MYO5B: variants seen among roughly 807,000 people sequenced by gnomAD.
MYO5B encodes the protein unconventional myosin-Vb.
In MYO5B, 143 loss-of-function variants were observed where a neutral mutation model predicts 229.3. The observed-to-expected ratio is 0.62, with a 90% CI of 0.54 to 0.72. The LOEUF (loss-of-function observed/expected upper bound fraction) is 0.72, where lower values mean the gene tolerates loss of function less well. Among genes scored for constraint, MYO5B ranks in the 30% least tolerant of loss-of-function variants. The pLI is 0.00. For synonymous variants in MYO5B, 918 were observed against 885.2 expected, an observed-to-expected ratio of 1.04 and a Z score of -0.66; for missense variants, 2,321 against 2,331.0, an observed-to-expected ratio of 1.00 and a Z score of 0.09.
At chr18:50,040,451 A>G in intron 2 of MYO5B, 137 bp from the exon 3 acceptor site, 1 of 973,324 alleles carries the variant, frequency 1.0e-6, no homozygotes, top group Non-Finnish European at 1.6e-6. Flanking sequence ...AAGAAAGACA[A>G]GCTGAACAAA....
chr18:49,872,672 G>A (rs1405351429), intron 26 of MYO5B, among the ~76,000 whole-genome samples: 2 of 152,212 alleles, frequency 1.3e-5, no homozygotes, highest in African/African-American at 4.8e-5. Context: ...CAGGGAAGAT[G>A]ACCATGTGAA....
chr18:50,097,502 G>A lies in MYO5B; in HGVS notation c.28-42124C>T, dbSNP rs368891079. 1.0e-3 allele frequency: 338 copies of A among 325,864 alleles called. 3 individuals are homozygous for A. The highest frequency in any genetic ancestry group is 8.0e-3 in the South Asian group (315 of 39,596). The allele number at this position is 325,864 out of a possible 1,614,324, so 20.2% of individuals were successfully genotyped here. On this transcript the variant is annotated intron_variant, in intron 1 of 39. Transcript: ENST00000285039. ...AGTTCCAAACTTCTTGAGAAATCGC[G>A]GTGTTATTTAAATCATTGTCCTAAG...
intron 14 of MYO5B, among the ~76,000 whole-genome samples, chr18:49,949,257 C>T (rs1295354105): frequency 6.6e-6 from 1 of 151,930 alleles, no homozygotes; most frequent in Non-Finnish European, 1.5e-5. Flanking sequence ...GAAAAACATT[C>T]TCCTTTTAAA....
At chr18:50,003,097 G>A (rs899105604) in intron 4 of MYO5B, among the ~76,000 whole-genome samples, 13 of 152,166 alleles carry the variant, frequency 8.5e-5, no homozygotes, top group Admixed American at 2.6e-4. Context: ...GGAGGTGGGA[G>A]CCGAAGGCAG....
chr18:50,051,815 C>T (rs1345481717), intron 2 of MYO5B, among the ~76,000 whole-genome samples: 3 of 152,180 alleles, frequency 2.0e-5, no homozygotes, highest in Non-Finnish European at 2.9e-5. Context: ...TGTGAGGTAC[C>T]TGGGATCGTC....
chr18:50,007,922 G>A (rs749076239), intron 4 of MYO5B, among the ~76,000 whole-genome samples: 8 of 152,180 alleles, frequency 5.3e-5, no homozygotes, highest in Non-Finnish European at 1.2e-4. Flanking sequence ...GTTTGGAAAG[G>A]TCAAATGATG....
intron 5 of MYO5B, among the ~76,000 whole-genome samples, chr18:49,998,034 A>T (rs527903568): frequency 6.6e-6 from 1 of 152,268 alleles, no homozygotes; most frequent in Admixed American, 6.5e-5. Context: ...GGTCCCAGAT[A>T]GAGTCGACTT....
Position 49,856,891 on chromosome 18 carries a change from C to T in MYO5B, c.3945-1G>A, listed in dbSNP as rs960709257. ...TAAATATCCCCAATCCTCAGTCTTG[C>T]TAGAAACAAAGGACAGAAAAACAGG... is the stretch of plus-strand genomic sequence containing the variant. On this transcript the variant is annotated splice_acceptor_variant, in intron 29 of 39. Transcript: ENST00000285039. LOFTEE classifies it high-confidence loss of function. 1.2e-6 allele frequency: 2 copies of T among 1,613,842 alleles called. No homozygotes were observed. Among genetic ancestry groups the T allele is most frequent in the African/African-American group, 1.3e-5 (1 of 75,054 alleles).
At chr18:49,992,012 G>A (rs1002389300) in intron 6 of MYO5B, among the ~76,000 whole-genome samples, 2 of 152,158 alleles carry the variant, frequency 1.3e-5, no homozygotes, top group African/African-American at 2.4e-5. Context: ...GTCCTTTACT[G>A]TATCTTTGGT....
rs1334620321 is a variant in MYO5B, at chr18:49,936,301, G to C, written c.1954C>G (p.Pro652Ala). 3 of 1,604,548 alleles carry C rather than the reference G, an allele frequency of 1.9e-6. No homozygotes were observed. The highest frequency in any genetic ancestry group is 2.2e-5 in the East Asian group (1 of 44,696). Reference protein sequence around the residue: ...LLMETLNATTPHYVRCIKPND... With the variant: ...LLMETLNATTAHYVRCIKPND... ...GGCTTGATGCAGCGGACATAGTGAG[G>C]TGTCGTGGCATTCAGGGTCTCCATG... The change falls in exon 16 of 40, where the codon CCT (proline) becomes GCT (alanine). Residue 652 changes from proline (P) to alanine (A), a missense_variant. By Grantham distance (27) the Pro-to-Ala change is conservative (BLOSUM62 -1). Transcript: ENST00000285039.
At position 49,824,764 on chromosome 18, in the gene MYO5B, T is replaced by C. The variant is rs609796; in HGVS notation, c.*1707A>G. 3.8e-3 allele frequency: 583 copies of C among 152,336 alleles called. 4 individuals are homozygous for C. The highest frequency in any genetic ancestry group is 0.014 in the African/African-American group (568 of 41,570). The allele number at this position is 152,336 out of a possible 1,614,324, so 9.4% of individuals were successfully genotyped here. A position where few individuals can be genotyped will look rare whatever the true frequency, so the allele number is the denominator to read the frequency against. ...TAAGTGTCATGGACGTCAGTGATTA[T>C]GTAACTGTAACTGAAAGAAAAAGGC... On this transcript the variant is annotated 3_prime_UTR_variant, in exon 40 of 40. Coordinates refer to ENST00000285039, the MANE Select transcript of MYO5B (RefSeq NM_001080467.3).
chr18:49,869,245 T>C (rs1296705352), intron 27 of MYO5B, among the ~76,000 whole-genome samples: 4 of 152,216 alleles, frequency 2.6e-5, no homozygotes, highest in Admixed American at 2.6e-4. Context: ...GACCGTGTTC[T>C]GCCTAAAAGC....
chr18:49,900,303 C>A (rs1257237686), intron 21 of MYO5B, among the ~76,000 whole-genome samples: 1 of 152,238 alleles, frequency 6.6e-6, no homozygotes, highest in Non-Finnish European at 1.5e-5. Flanking sequence ...GCACTCTTTT[C>A]CCTCTGAGTG....
At chr18:49,861,848 A>G (rs1038131723) in intron 29 of MYO5B, among the ~76,000 whole-genome samples, 1 of 152,242 alleles carries the variant, frequency 6.6e-6, no homozygotes, top group African/African-American at 2.4e-5. Flanking sequence ...CATTCTTGCA[A>G]AAAAACTTAA....
At chr18:49,950,629 G>A (rs1045998204) in intron 14 of MYO5B, among the ~76,000 whole-genome samples, 6 of 152,092 alleles carry the variant, frequency 3.9e-5, no homozygotes, top group South Asian at 2.1e-4. Flanking sequence ...TGTCTATAAT[G>A]TACTTATTTT....
chr18:50,103,620 G>A (rs2031696737), intron 1 of MYO5B, among the ~76,000 whole-genome samples: 1 of 152,104 alleles, frequency 6.6e-6, no homozygotes, highest in African/African-American at 2.4e-5. Context: ...ACGGTGGTGT[G>A]CACCTGTGGC....
At chr18:49,899,968 A>T (rs2024822573) in intron 21 of MYO5B, among the ~76,000 whole-genome samples, 1 of 151,396 alleles carries the variant, frequency 6.6e-6, no homozygotes, top group African/African-American at 2.4e-5. Flanking sequence ...CTTTTCTTTG[A>T]TTTTTCAAGC....
intron 1 of MYO5B, among the ~76,000 whole-genome samples, chr18:50,120,386 G>A (rs1222248290): frequency 6.6e-6 from 1 of 152,238 alleles, no homozygotes; most frequent in African/African-American, 2.4e-5. Context: ...AACATGGAAG[G>A]AGATGCAGGC....
intron 12 of MYO5B, among the ~76,000 whole-genome samples, chr18:49,960,299 C>A (rs1216436838): frequency 6.6e-6 from 1 of 152,176 alleles, no homozygotes; most frequent in Non-Finnish European, 1.5e-5. Context: ...TCTCACCCTG[C>A]AAAGTATCTG....
Sources: gnomAD v4.1 joint callset for allele counts (sites outside exome capture counted in the v4.1 genomes callset) on GRCh38, gnomAD v4.1.1 for gene constraint, MANE v1.5 for transcripts, NCBI Gene and HGNC (gene_info 2026-07-23, HGNC 2026-07-21) for gene names.